MKLN1: variants seen among roughly 807,000 people sequenced by gnomAD.
MKLN1 encodes the protein muskelin.
In MKLN1, 18 loss-of-function variants were observed where a neutral mutation model predicts 99.0. The ratio of observed to expected loss-of-function variants is 0.18; its 90% CI spans 0.13 to 0.27. The LOEUF (loss-of-function observed/expected upper bound fraction) is 0.27, where lower values mean the gene tolerates loss of function less well. MKLN1 is among the 10% of genes least tolerant of loss of function. MKLN1 has a pLI of 1.00. For synonymous variants in MKLN1, 288 were observed against 293.2 expected (o/e 0.98, Z 0.18); for missense variants, 621 against 875.9 (o/e 0.71, Z 3.67).
rs1797384094 is a variant in MKLN1, at chr7:131,489,951, A to G, written c.*2223A>G. ...CATAGCGAGCCATTTGCTCTTGCCA[A>G]AGTGAGATAGATGTACTGAGGAGAT... On this transcript the variant is annotated 3_prime_UTR_variant, in exon 18 of 18. Transcript: ENST00000352689. The G allele has an allele frequency of 6.6e-6, 1 of 152,218 alleles. No homozygotes were observed. The highest frequency in any genetic ancestry group is 2.4e-5 in the African/African-American group (1 of 41,436). 9.4% of individuals were successfully genotyped at this position (152,218 alleles called of 1,614,324 possible).
intron 3 of MKLN1, among the ~76,000 whole-genome samples, chr7:131,211,434 A>C (rs1275963700): frequency 6.6e-6 from 1 of 152,198 alleles, no homozygotes; most frequent in Non-Finnish European, 1.5e-5. Context: ...ATTGCCTTCA[A>C]AGGCTAAGTC....
rs58377694 is a variant in MKLN1, at chr7:131,355,628, C to CTATATATATATA, written c.99-19786_99-19775dup. Among the ~76,000 whole-genome samples, 1,094 of 136,814 alleles carry CTATATATATATA rather than the reference C, an allele frequency of 8.0e-3. 8 individuals are homozygous for CTATATATATATA. Among genetic ancestry groups the CTATATATATATA allele is most frequent in the African/African-American group, 0.017 (586 of 34,912 alleles). The allele number at this position is 136,814 out of a possible 152,430, so 89.8% of individuals were successfully genotyped here. ...AGGCTCTGATTTCTTTAACTTGATACTATATATATATATATATATATGCTT... is the reference window on the plus strand; with the variant it reads ...AGGCTCTGATTTCTTTAACTTGATACTATATATATATATATATATATATATATATATATGCTT... On this transcript the variant is annotated intron_variant, in intron 1 of 17. Coordinates refer to ENST00000352689, the MANE Select transcript of MKLN1 (RefSeq NM_013255.5).
chr7:131,475,953 T>C (rs1796951614), intron 16 of MKLN1, among the ~76,000 whole-genome samples: 1 of 152,202 alleles, frequency 6.6e-6, no homozygotes, highest in African/African-American at 2.4e-5. Flanking sequence ...GTTAGTGTAC[T>C]ATGACTAAGT....
At chr7:131,237,923 G>A (rs957819146) in intron 3 of MKLN1, among the ~76,000 whole-genome samples, 1 of 152,160 alleles carries the variant, frequency 6.6e-6, no homozygotes, top group Non-Finnish European at 1.5e-5. Flanking sequence ...GAGGCAGGTG[G>A]ATCACCTGAG....
chr7:131,260,833 A>T (rs1162849070), intron 3 of MKLN1, among the ~76,000 whole-genome samples: 1 of 152,216 alleles, frequency 6.6e-6, no homozygotes, highest in Non-Finnish European at 1.5e-5. Flanking sequence ...GATAGCCTAG[A>T]AAGCTGCACA....
rs766303554 is a variant in MKLN1, at chr7:131,478,738, G to A, written c.2086+61G>A. The A allele has an allele frequency of 1.9e-6, 3 of 1,590,054 alleles. No individual in the cohort carries two copies. The African/African-American group carries it at 4.0e-5, about 21-fold the overall frequency. On this transcript the variant is annotated intron_variant, in intron 17 of 17. Transcript: ENST00000352689. Reference sequence around the variant, plus strand: ...CCTAGCATTTGGAAGGTTGGATTTTGGTTTCTTTTACGTGAAACATCAGGT... The same window carrying A: ...CCTAGCATTTGGAAGGTTGGATTTTAGTTTCTTTTACGTGAAACATCAGGT...
At chr7:131,218,367 C>A (rs2116447180) in intron 3 of MKLN1, among the ~76,000 whole-genome samples, 1 of 152,222 alleles carries the variant, frequency 6.6e-6, no homozygotes, top group South Asian at 2.1e-4. Flanking sequence ...GAATTCAGAC[C>A]TCTGTCACAA....
At chr7:131,317,774 A>T (rs2116653943) in intron 3 of MKLN1, among the ~76,000 whole-genome samples, 1 of 151,410 alleles carries the variant, frequency 6.6e-6, no homozygotes, top group African/African-American at 2.4e-5. Context: ...GCAAAAAAAA[A>T]AAAAAAAAAA....
At chr7:131,192,181 AATATATAAAATATAAT>A (rs1796564675) in intron 2 of MKLN1, among the ~76,000 whole-genome samples, 1 of 95,462 alleles carries the variant, frequency 1.0e-5, no homozygotes, top group Non-Finnish European at 1.9e-5. Flanking sequence ...AATATATAAA[AATATATAAAATATAAT>A]ATATACAATA....
intron 2 of MKLN1, among the ~76,000 whole-genome samples, chr7:131,159,797 A>G (rs1796020688): frequency 6.6e-6 from 1 of 152,184 alleles, no homozygotes; most frequent in South Asian, 2.1e-4. Flanking sequence ...ATAATGGGAA[A>G]AAAAATAGTA....
intron 1 of MKLN1, among the ~76,000 whole-genome samples, chr7:131,126,499 C>A (rs746651734): frequency 1.3e-5 from 2 of 152,040 alleles, no homozygotes; most frequent in African/African-American, 2.4e-5. Flanking sequence ...TTTAACACGG[C>A]GGTGTTTTTT....
At chr7:131,215,670 T>G (rs1796969965) in intron 3 of MKLN1, among the ~76,000 whole-genome samples, 1 of 152,240 alleles carries the variant, frequency 6.6e-6, no homozygotes, top group African/African-American at 2.4e-5. Flanking sequence ...TCAGATAGTC[T>G]GTATGATATT....
intron 2 of MKLN1, among the ~76,000 whole-genome samples, chr7:131,151,805 AC>A (rs1198305706): frequency 6.6e-6 from 1 of 152,208 alleles, no homozygotes; most frequent in East Asian, 1.9e-4. Context: ...ATGCACGCAT[AC>A]AAACACACAC....
chr7:131,186,442 C>T (rs1387390752), intron 2 of MKLN1, among the ~76,000 whole-genome samples: 2 of 152,104 alleles, frequency 1.3e-5, no homozygotes, highest in South Asian at 2.1e-4. Context: ...CAGGAGATCA[C>T]GGCTGCAGAG....
At chr7:131,355,247 A>T (rs1799838334) in intron 1 of MKLN1, among the ~76,000 whole-genome samples, 1 of 151,712 alleles carries the variant, frequency 6.6e-6, no homozygotes, top group South Asian at 2.1e-4. Context: ...GGCTGTTTTT[A>T]TCCTTTTAAT....
intron 2 of MKLN1, among the ~76,000 whole-genome samples, chr7:131,191,046 C>T (rs12535530): frequency 0.016 from 2,368 of 152,302 alleles, 38 homozygotes; most frequent in South Asian, 0.064. Flanking sequence ...CTGAGGACCA[C>T]GCTGTGACTA....
intron 9 of MKLN1, among the ~76,000 whole-genome samples, chr7:131,433,836 A>G (rs576010316): frequency 4.0e-5 from 6 of 151,700 alleles, no homozygotes; most frequent in South Asian, 4.2e-4. Flanking sequence ...TGATAAATCT[A>G]TATATTAATT....
At chr7:131,311,440 G>T (rs745513066) in intron 3 of MKLN1, among the ~76,000 whole-genome samples, 1 of 152,092 alleles carries the variant, frequency 6.6e-6, no homozygotes, top group Non-Finnish European at 1.5e-5. Context: ...AAAATTTTAG[G>T]AATCTCATAC....
chr7:131,154,276 G>C (rs1254617655), intron 2 of MKLN1, among the ~76,000 whole-genome samples: 1 of 151,772 alleles, frequency 6.6e-6, no homozygotes, highest in Non-Finnish European at 1.5e-5. Context: ...TTGTTTTGTA[G>C]ATTTGACTTT....
Sources: gnomAD v4.1 joint callset for allele counts (sites outside exome capture counted in the v4.1 genomes callset) on GRCh38, gnomAD v4.1.1 for gene constraint, MANE v1.5 for transcripts, NCBI Gene and HGNC (gene_info 2026-07-23, HGNC 2026-07-21) for gene names.